RGS7: variants seen among roughly 807,000 people sequenced by gnomAD.
The protein encoded by RGS7 is regulator of G protein signaling 7, also known as regulator of G-protein signaling 7.
RGS7 carries 27 observed loss-of-function variants against 81.1 expected under a neutral mutation model. The ratio of observed to expected loss-of-function variants is 0.33; its 90% confidence interval spans 0.25 to 0.46. The LOEUF (loss-of-function observed/expected upper bound fraction) is 0.46. Ranked by LOEUF, RGS7 falls within the 20% of genes least tolerant of loss-of-function variation. The probability of loss-of-function intolerance (pLI) is 1.00; values close to 1 mark genes in which losing one functional copy is unlikely to be tolerated. For synonymous variants in RGS7, 208 were observed against 207.7 expected (o/e 1.00, Z -0.01); for missense variants, 396 against 607.4 (o/e 0.65, Z 3.66).
intron 2 of RGS7, among the ~76,000 whole-genome samples, chr1:241,174,088 A>G (rs753939469): frequency 1.3e-5 from 2 of 152,252 alleles, no homozygotes; most frequent in Non-Finnish European, 2.9e-5. Context: ...TGAGAATTAT[A>G]GGACTTGCTA....
intron 2 of RGS7, among the ~76,000 whole-genome samples, chr1:241,103,010 C>CAAAA (rs59775668): frequency 0.015 from 1,937 of 127,024 alleles, 57 homozygotes; most frequent in African/African-American, 0.049. Flanking sequence ...TACAAGCAAG[C>CAAAA]AAAAAAAAAA....
At chr1:241,114,532 A>C (rs1430791772) in intron 2 of RGS7, among the ~76,000 whole-genome samples, 1 of 152,068 alleles carries the variant, frequency 6.6e-6, no homozygotes, top group Non-Finnish European at 1.5e-5. Flanking sequence ...CTGCATTCCC[A>C]AGAAGAATCT....
intron 2 of RGS7, among the ~76,000 whole-genome samples, chr1:241,135,375 C>T (rs1047468436): frequency 2.0e-5 from 3 of 152,030 alleles, no homozygotes; most frequent in Non-Finnish European, 2.9e-5. Flanking sequence ...TGCAGTGAGC[C>T]GAGATCGCGC....
At chr1:240,975,178 C>T (rs1348147877) in intron 4 of RGS7, among the ~76,000 whole-genome samples, 4 of 151,998 alleles carry the variant, frequency 2.6e-5, no homozygotes, top group Non-Finnish European at 4.4e-5. Context: ...CCGAGGCAGG[C>T]GGATCATGAA....
intron 2 of RGS7, among the ~76,000 whole-genome samples, chr1:241,212,379 G>A (rs1261289010): frequency 6.6e-6 from 1 of 152,166 alleles, no homozygotes; most frequent in Admixed American, 6.5e-5. Context: ...ACGGTTCCAA[G>A]CTTAAAGGGC....
intron 4 of RGS7, among the ~76,000 whole-genome samples, chr1:240,938,093 A>T (rs549192702): frequency 4.9e-4 from 75 of 152,282 alleles, no homozygotes; most frequent in African/African-American, 1.7e-3. Flanking sequence ...AACAAAAAAA[A>T]TATATGTACA....
chr1:240,787,840 G>GA (rs975962555), intron 18 of RGS7, among the ~76,000 whole-genome samples: 5 of 151,852 alleles, frequency 3.3e-5, no homozygotes, highest in Non-Finnish European at 7.4e-5. Flanking sequence ...CAGCACATGA[G>GA]AAAAAAAATC....
At chr1:240,905,422 G>A (rs1318964226) in intron 6 of RGS7, among the ~76,000 whole-genome samples, 1 of 152,166 alleles carries the variant, frequency 6.6e-6, no homozygotes, top group African/African-American at 2.4e-5. Context: ...GAGGAAGGGA[G>A]GAAACTACTG....
chr1:241,037,984 T>C (rs1234483619), intron 3 of RGS7, among the ~76,000 whole-genome samples: 1 of 152,164 alleles, frequency 6.6e-6, no homozygotes. Flanking sequence ...GATTGAAGGA[T>C]AAAAGACAGC....
chr1:241,323,698 CA>C (rs2081333316), intron 2 of RGS7, among the ~76,000 whole-genome samples: 1 of 152,176 alleles, frequency 6.6e-6, no homozygotes, highest in South Asian at 2.1e-4. Flanking sequence ...CAACGGAGAA[CA>C]GACGCGAGAG....
rs542176304 is a variant in RGS7 at position 241,259,587 on chromosome 1, T to C, written c.78+96112A>G. Among the ~76,000 whole-genome samples, 4 of 144,888 alleles carry C rather than the reference T, an allele frequency of 2.8e-5. No individual in the cohort carries two copies. In the East Asian group the frequency reaches 6.1e-4, roughly 22 times the overall value. ...ATCACTAGAACCTGGGAGATGGAGA[T>C]TGCGGTGAGCTGAGATTGCGCCATC... On this transcript the variant is annotated intron_variant, in intron 2 of 18. Transcript: ENST00000440928.
At chr1:240,781,008 T>C (rs1386958623) in intron 18 of RGS7, among the ~76,000 whole-genome samples, 2 of 150,720 alleles carry the variant, frequency 1.3e-5, no homozygotes, top group African/African-American at 4.9e-5. Flanking sequence ...AACAATGACA[T>C]CTACTGTTGT....
At chr1:241,150,957 A>G (rs917762337) in intron 2 of RGS7, among the ~76,000 whole-genome samples, 94 of 152,256 alleles carry the variant, frequency 6.2e-4, no homozygotes, top group African/African-American at 2.2e-3. Context: ...TGGAATCCGG[A>G]TGTCCAAGGC....
chr1:241,087,347 G>T (rs1384608908), intron 3 of RGS7, among the ~76,000 whole-genome samples: 1 of 152,112 alleles, frequency 6.6e-6, no homozygotes, highest in African/African-American at 2.4e-5. Context: ...TTAACAAAAG[G>T]TCTTTTTAAA....
chr1:240,820,736 C>A (rs921942880), intron 10 of RGS7, among the ~76,000 whole-genome samples: 2 of 152,158 alleles, frequency 1.3e-5, no homozygotes, highest in Non-Finnish European at 1.5e-5. Context: ...ATTAAATCTG[C>A]TGGTGCCTTG....
chr1:241,121,028 A>G (rs1351747664), intron 2 of RGS7, among the ~76,000 whole-genome samples: 2 of 152,186 alleles, frequency 1.3e-5, no homozygotes, highest in Non-Finnish European at 2.9e-5. Flanking sequence ...TTATCTCTCC[A>G]TGAGATAGCC....
chr1:240,820,578 GAGGTGACT>G (rs1691594464), intron 10 of RGS7, among the ~76,000 whole-genome samples: 1 of 152,082 alleles, frequency 6.6e-6, no homozygotes, highest in African/African-American at 2.4e-5. Flanking sequence ...GGGACTTTGG[GAGGTGACT>G]AGGTATGAGG....
chr1:240,854,844 C>T (rs1198081664), intron 9 of RGS7, among the ~76,000 whole-genome samples: 1 of 152,152 alleles, frequency 6.6e-6, no homozygotes, highest in Admixed American at 6.5e-5. Flanking sequence ...GTTCACTCTG[C>T]TCAAAAGATG....
intron 2 of RGS7, among the ~76,000 whole-genome samples, chr1:241,111,050 A>G (rs902039485): frequency 4.6e-5 from 7 of 152,174 alleles, no homozygotes; most frequent in African/African-American, 1.7e-4. Flanking sequence ...ACGGAGTATA[A>G]TAGATTTAAA....
Sources: gnomAD v4.1 joint callset for allele counts (sites outside exome capture counted in the v4.1 genomes callset) on GRCh38, gnomAD v4.1.1 for gene constraint, MANE v1.5 for transcripts, NCBI Gene and HGNC (gene_info 2026-07-23, HGNC 2026-07-21) for gene names.